Variants in KALRN observed in about 807,000 individuals in gnomAD.
KALRN encodes kalirin.
In KALRN, 70 loss-of-function variants were observed where a neutral mutation model predicts 353.7. The observed-to-expected ratio is 0.20, with a 90% CI of 0.16 to 0.24. The LOEUF is 0.24. Ranked by LOEUF, KALRN falls within the 10% of genes least tolerant of loss-of-function variation. The pLI is 1.00. For synonymous variants in KALRN, 1,391 were observed against 1,434.8 expected (o/e 0.97, Z 0.69); for missense variants, 2,791 against 3,756.7 (o/e 0.74, Z 6.72).
intron 34 of KALRN, among the ~76,000 whole-genome samples, chr3:124,578,238 T>C (rs2074302867): frequency 6.6e-6 from 1 of 152,250 alleles, no homozygotes; most frequent in African/African-American, 2.4e-5. Flanking sequence ...ATTTGTTGAA[T>C]AAATGATTAG....
At chr3:124,092,114 G>A (rs1169080189) in intron 1 of KALRN, among the ~76,000 whole-genome samples, 1 of 152,200 alleles carries the variant, frequency 6.6e-6, no homozygotes, top group Non-Finnish European at 1.5e-5. Context: ...TCTTAGGTCT[G>A]TTTGCGGGGG....
intron 5 of KALRN, among the ~76,000 whole-genome samples, chr3:124,290,254 A>T (rs529132098): frequency 1.3e-5 from 2 of 152,130 alleles, no homozygotes; most frequent in Non-Finnish European, 2.9e-5. Context: ...TGCTGCTGAA[A>T]ATTACCTGGT....
At chr3:124,658,358 A>G in intron 41 of KALRN, 73 bp from the exon 42 acceptor site, 2 of 1,150,050 alleles carry the variant, frequency 1.7e-6, no homozygotes, top group East Asian at 2.3e-5. Flanking sequence ...CGTGGAGGCC[A>G]GCACGGCACT....
intron 3 of KALRN, among the ~76,000 whole-genome samples, chr3:124,249,520 G>A (rs1442834665): frequency 6.6e-6 from 1 of 152,140 alleles, no homozygotes; most frequent in Non-Finnish European, 1.5e-5. Flanking sequence ...CCAGTCATGG[G>A]CTCAGGGTCC....
At chr3:124,127,001 A>G (rs554257737) in intron 1 of KALRN, among the ~76,000 whole-genome samples, 102 of 152,306 alleles carry the variant, frequency 6.7e-4, no homozygotes, top group African/African-American at 2.4e-3. Context: ...TGGCTCAACT[A>G]CAATATGGGA....
chr3:124,590,115 C>T (rs1189895183), intron 34 of KALRN, among the ~76,000 whole-genome samples: 5 of 152,104 alleles, frequency 3.3e-5, no homozygotes, highest in South Asian at 2.1e-4. Context: ...GTCTTCAACC[C>T]GAATCCTATG....
chr3:124,639,992 A>C (rs1357752030), intron 37 of KALRN, among the ~76,000 whole-genome samples: 1 of 152,162 alleles, frequency 6.6e-6, no homozygotes, highest in East Asian at 1.9e-4. Flanking sequence ...CTAGGTTGAG[A>C]ATATCTCAGC....
chr3:124,354,642 T>G (rs2083192621), intron 10 of KALRN, among the ~76,000 whole-genome samples: 1 of 152,246 alleles, frequency 6.6e-6, no homozygotes, highest in Non-Finnish European at 1.5e-5. Flanking sequence ...CAAACAATAT[T>G]TTTAGGCTTC....
intron 31 of KALRN, 40 bp downstream of exon 31, chr3:124,491,464 G>T: frequency 7.0e-7 from 1 of 1,432,392 alleles, no homozygotes; most frequent in Non-Finnish European, 9.5e-7. Context: ...TAGGGTTGGG[G>T]ATAATAGAAG....
rs1468302262 is a variant in KALRN, at chr3:124,334,317, C to T, written c.1469C>T (p.Pro490Leu). ...LLDVLQRPLSPGNSESLTATA... is the reference protein window; with the variant it reads ...LLDVLQRPLSLGNSESLTATA... Reference sequence around the variant, plus strand: ...GATGTGCTGCAGCGGCCCCTGAGCCCTGGGAACTCCGAATCCCTCACGGCC... The same window carrying T: ...GATGTGCTGCAGCGGCCCCTGAGCCTTGGGAACTCCGAATCCCTCACGGCC... Residue 490 changes from proline to leucine, a missense_variant, in exon 9 of 60, where the codon CCT (proline) becomes CTT (leucine). Around this residue, in one of 11 missense-constraint regions of KALRN, gnomAD observed 366 missense variants for 489.2 expected, o/e 0.75. Transcript: ENST00000682506. This position sits in a 1 kb window ranked among gnomAD's most constrained non-coding sequence, Gnocchi z 4.2. The T allele has an allele frequency of 1.9e-6, 3 of 1,614,146 alleles. No individual in the cohort carries two copies. In the African/African-American group the frequency reaches 4.0e-5, roughly 22 times the overall value.
At chr3:124,514,065 A>G (rs1004390861) in intron 33 of KALRN, among the ~76,000 whole-genome samples, 2 of 152,340 alleles carry the variant, frequency 1.3e-5, no homozygotes, top group Admixed American at 6.5e-5. Flanking sequence ...AGTGTGTTTC[A>G]TGGTATTAAT....
chr3:124,248,674 C>T (rs1261097396), intron 3 of KALRN, among the ~76,000 whole-genome samples: 5 of 152,236 alleles, frequency 3.3e-5, no homozygotes, highest in Non-Finnish European at 7.3e-5. Context: ...CTTTCCTTTT[C>T]TCTCAGAGCC....
intron 1 of KALRN, among the ~76,000 whole-genome samples, chr3:124,189,868 G>C (rs912532772): frequency 6.6e-6 from 1 of 151,462 alleles, no homozygotes; most frequent in African/African-American, 2.4e-5. Context: ...GAACCCAGGA[G>C]GCAGAGGTTG....
chr3:124,351,100 T>C (rs929802668), intron 10 of KALRN, among the ~76,000 whole-genome samples: 2 of 152,136 alleles, frequency 1.3e-5, no homozygotes, highest in African/African-American at 2.4e-5. Flanking sequence ...ATTGCCATGT[T>C]TAGGTGGTGA....
chr3:124,145,332 G>T lies in KALRN; in HGVS notation c.74-82658G>T, dbSNP rs555404145. 2.2e-3 allele frequency among the ~76,000 whole-genome samples: 335 copies of T among 152,288 alleles called. 3 individuals carry two copies. The highest frequency in any genetic ancestry group is 0.02 in the South Asian group (95 of 4,830). On this transcript the variant is annotated intron_variant, in intron 1 of 59. Coordinates refer to ENST00000682506, the MANE Select transcript of KALRN (RefSeq NM_001388419.1). ...CAGTGAGTTTTCACCCTAGCCACAC[G>T]TTGGAATTGCCTATGGAACCTGAAA... is the stretch of plus-strand genomic sequence containing the variant.
intron 47 of KALRN, among the ~76,000 whole-genome samples, chr3:124,670,885 T>G (rs746223847): frequency 1.3e-5 from 2 of 152,192 alleles, no homozygotes; most frequent in Non-Finnish European, 2.9e-5. Flanking sequence ...ACTGCCATCC[T>G]CCGAGTCTCC....
At chr3:124,059,173 A>T (rs1191769842) in intron 1 of KALRN, among the ~76,000 whole-genome samples, 1 of 152,240 alleles carries the variant, frequency 6.6e-6, no homozygotes, top group Non-Finnish European at 1.5e-5. Context: ...TACTTAGTAG[A>T]TCTGTTGATT....
intron 2 of KALRN, among the ~76,000 whole-genome samples, chr3:124,228,427 G>A (rs2078815122): frequency 6.6e-6 from 1 of 152,208 alleles, no homozygotes; most frequent in African/African-American, 2.4e-5. Flanking sequence ...ATTTTTAAAG[G>A]AGTTTTTGCT....
intron 37 of KALRN, among the ~76,000 whole-genome samples, chr3:124,642,249 A>G (rs1254986764): frequency 6.6e-6 from 1 of 151,998 alleles, no homozygotes; most frequent in Non-Finnish European, 1.5e-5. Flanking sequence ...GCGCCACTGC[A>G]CTCCAGCCTG....
Sources: allele counts gnomAD v4.1 joint callset (sites outside exome capture counted in the v4.1 genomes callset), GRCh38; gene constraint gnomAD v4.1.1; regional missense constraint gnomAD v4.1.1; non-coding constraint Gnocchi (gnomAD v3.1); transcripts MANE v1.5; gene names NCBI Gene and HGNC (gene_info 2026-07-23, HGNC 2026-07-21).